AQP12A: variants seen among roughly 807,000 people sequenced by gnomAD.
AQP12A encodes the protein aquaporin 12A.
AQP12A carries 11 observed loss-of-function variants against 12.2 expected under a neutral mutation model. That is an observed-to-expected ratio of 0.90 (90% confidence interval 0.57 to 1.49). AQP12A has a LOEUF of 1.49. AQP12A is among the 40% of genes most tolerant of loss of function. The pLI is 0.00. For missense variants in AQP12A, 203 were observed against 260.8 expected, an observed-to-expected ratio of 0.78 and a Z score of 1.53; for synonymous variants, 101 against 127.1, an observed-to-expected ratio of 0.79 and a Z score of 1.38.
In AQP12A at chr2:240,692,470, G is replaced by A. The variant is rs761886843; in HGVS notation, c.520G>A (p.Ala174Thr). ...CCTGCACCTGCGGCACAGTCCTCCC[G>A]CCTACAGCGGGCCCGCTGTGGCTCT... Reference protein sequence around the residue: ...TLLHLRHSPPAYSGPAVALLV... With the variant: ...TLLHLRHSPPTYSGPAVALLV... Residue 174 changes from alanine (A) to threonine (T), a missense_variant, in exon 2 of 4, where the codon GCC becomes ACC. Transcript: ENST00000337801. 26 of 1,490,138 alleles carry A rather than the reference G, an allele frequency of 1.7e-5. No homozygotes were observed. The highest frequency in any genetic ancestry group is 2.2e-5 in the Non-Finnish European group (24 of 1,110,288). The allele number at this position is 1,490,138 out of a possible 1,614,324, so 92.3% of individuals were successfully genotyped here.
At chr2:240,693,726 G>C (rs1404830152) in intron 2 of AQP12A, among the ~76,000 whole-genome samples, 3 of 152,044 alleles carry the variant, frequency 2.0e-5, no homozygotes, top group African/African-American at 4.8e-5. Flanking sequence ...GCCTTCCCTT[G>C]TCTCACATCG....
rs771431612 is a variant in AQP12A at position 240,692,380 on chromosome 2, C to A, written c.430C>A (p.Arg144Ser). 2.2e-5 allele frequency: 33 copies of A among 1,519,020 alleles called. 2 individuals carry two copies. In the South Asian group the frequency reaches 3.1e-4, roughly 14 times the overall value. 94.1% of individuals were successfully genotyped at this position (1,519,020 alleles called of 1,614,324 possible). A position where few individuals can be genotyped will look rare whatever the true frequency, so the allele number is the denominator to read the frequency against. ...GGCCCAGAGCTGCAGCTCGGCCCTG[C>A]GCACATCCGTGCCCCACGGGGCGCT... ...LMAQSCSSAL[R>S]TSVPHGALVE... The change falls in exon 2 of 4, where the codon CGC becomes AGC. Residue 144 changes from arginine (R) to serine (S), a missense_variant. Physicochemically the swap from Arg to Ser is moderately radical, Grantham distance 110. Transcript: ENST00000337801.
rs765448669 is a variant in AQP12A, at chr2:240,692,315, C to A, written c.365C>A (p.Ala122Asp). ...TGCACCCTGATGCGCCTCTGCTGGG[C>A]CTGGGAGCTCAGTGACCTGCACCTG... ...AACTLMRLCW[A>D]WELSDLHLLQ... Residue 122 changes from alanine (A) to aspartate (D), a missense_variant, in exon 2 of 4, where the codon GCC becomes GAC. Coordinates refer to ENST00000337801, the MANE Select transcript of AQP12A (RefSeq NM_198998.3). The A allele has an allele frequency of 1.3e-5, 21 of 1,576,616 alleles. 1 individual carries two copies. The South Asian group carries it at 2.3e-4, about 17-fold the overall frequency.
intron 2 of AQP12A, 56 bp downstream of exon 2, chr2:240,692,577 TC>T (rs2044079652): frequency 2.2e-6 from 2 of 913,176 alleles, no homozygotes; most frequent in Non-Finnish European, 3.2e-6. Flanking sequence ...CTGTGTGGCC[TC>T]CATGCACACT....
intron 3 of AQP12A, chr2:240,695,710 TCACTCCGGGTGGGTCG>T (rs2044105996): frequency 2.8e-5 from 2 of 71,044 alleles, no homozygotes; most frequent in Admixed American, 3.1e-4. Context: ...TGCGGATCCT[TCACTCCGGGTGGGTCG>T]GCCTCTTCCT....
chr2:240,692,302 C>A lies in AQP12A; in HGVS notation c.352C>A (p.Arg118Ser), dbSNP rs766634316. 6.3e-7 allele frequency: 1 copy of A among 1,577,880 alleles called. No individual in the cohort carries two copies. The highest frequency in any genetic ancestry group is 8.6e-7 in the Non-Finnish European group (1 of 1,167,180). Residue 118 changes from arginine to serine, a missense_variant, in exon 2 of 4, where the codon CGC (arginine) becomes AGC (serine). Transcript: ENST00000337801. ...CATGCAGGCCGCCTGCACCCTGATG[C>A]GCCTCTGCTGGGCCTGGGAGCTCAG... Reference protein sequence around the residue: ...LGMQAACTLMRLCWAWELSDL... With the variant: ...LGMQAACTLMSLCWAWELSDL...
intron 2 of AQP12A, among the ~76,000 whole-genome samples, chr2:240,693,442 G>C (rs2044089582): frequency 6.6e-6 from 1 of 152,210 alleles, no homozygotes; most frequent in Non-Finnish European, 1.5e-5. Context: ...AGATTGCCCG[G>C]GCCTCTGTCC....
rs1347096712 is a variant in AQP12A, at chr2:240,692,372, C to G, written c.422C>G (p.Ser141Trp). 1 of 1,524,516 alleles carries G rather than the reference C, an allele frequency of 6.6e-7. No homozygotes were observed. Among genetic ancestry groups the G allele is most frequent in the Non-Finnish European group, 8.8e-7 (1 of 1,141,542 alleles). 94.4% of individuals were successfully genotyped at this position (1,524,516 alleles called of 1,614,324 possible). A position where few individuals can be genotyped will look rare whatever the true frequency, so the allele number is the denominator to read the frequency against. ...AGCCTCATGGCCCAGAGCTGCAGCT[C>G]GGCCCTGCGCACATCCGTGCCCCAC... ...LQSLMAQSCS[S>W]ALRTSVPHGA... The change falls in exon 2 of 4, where the codon TCG becomes TGG. Residue 141 changes from serine (S) to tryptophan (W), a missense_variant. Physicochemically the swap from Ser to Trp is radical, Grantham distance 177 (BLOSUM62 -3). Transcript: ENST00000337801.
In AQP12A at chr2:240,692,141, T is replaced by C. The variant is rs2044071395; in HGVS notation, c.191T>C (p.Leu64Pro). 1.3e-6 allele frequency: 2 copies of C among 1,583,340 alleles called. No homozygotes were observed. The highest frequency in any genetic ancestry group is 1.4e-5 in the African/African-American group (1 of 70,816). Residue 64 changes from leucine to proline, a missense_variant, in exon 2 of 4, where the codon CTC (leucine) becomes CCC (proline). This residue lies in a region of AQP12A where 191 missense variants were observed against 197.1 expected (regional missense o/e 0.97). Transcript: ENST00000337801. Reference sequence around the variant, plus strand: ...GGGCCTGACCTGCTGCTCACCCTGCTCTTCCTGCTCTTCCTGGCGCACGGG... The same window carrying C: ...GGGCCTGACCTGCTGCTCACCCTGCCCTTCCTGCTCTTCCTGGCGCACGGG... ...DFGPDLLLTLLFLLFLAHGVT... is the reference protein window; with the variant it reads ...DFGPDLLLTLPFLLFLAHGVT...
intron 2 of AQP12A, among the ~76,000 whole-genome samples, chr2:240,693,396 G>T (rs2044089137): frequency 6.6e-6 from 1 of 152,418 alleles, no homozygotes; most frequent in African/African-American, 2.4e-5. Context: ...TGAGGCACGG[G>T]TGAGCGGGAG....
At position 240,692,456 on chromosome 2, in the gene AQP12A, G is replaced by C; in HGVS notation, c.506G>C (p.Arg169Pro). The change falls in exon 2 of 4, where the codon CGG (arginine) becomes CCG (proline). Residue 169 changes from arginine (R) to proline (P), a missense_variant. Arg to Pro is a moderately radical substitution (Grantham distance 103, BLOSUM62 -2). Around this residue, in one of 2 missense-constraint regions of AQP12A, gnomAD observed 12 missense variants for 63.8 expected, o/e 0.19. Transcript: ENST00000337801. ...TTCCATCTGACCCTCCTGCACCTGC[G>C]GCACAGTCCTCCCGCCTACAGCGGG... ...FCFHLTLLHL[R>P]HSPPAYSGPA... 2.6e-6 allele frequency: 4 copies of C among 1,512,258 alleles called. No individual in the cohort carries two copies. The highest frequency in any genetic ancestry group is 2.4e-5 in the East Asian group (1 of 41,750). 93.7% of individuals were successfully genotyped at this position (1,512,258 alleles called of 1,614,324 possible).
intron 2 of AQP12A, among the ~76,000 whole-genome samples, chr2:240,693,020 C>T (rs1310629954): frequency 6.6e-6 from 1 of 152,272 alleles, no homozygotes; most frequent in Non-Finnish European, 1.5e-5. Flanking sequence ...GGTCCCATCA[C>T]CCCCTTGTGA....
chr2:240,692,471 C>T lies in AQP12A; in HGVS notation c.521C>T (p.Ala174Val). Residue 174 changes from alanine to valine, a missense_variant, in exon 2 of 4, where the codon GCC (alanine) becomes GTC (valine). Ala to Val is a moderately conservative substitution (Grantham distance 64). Coordinates refer to ENST00000337801, the MANE Select transcript of AQP12A (RefSeq NM_198998.3). ...CTGCACCTGCGGCACAGTCCTCCCGCCTACAGCGGGCCCGCTGTGGCTCTG... is the reference window on the plus strand; with the variant it reads ...CTGCACCTGCGGCACAGTCCTCCCGTCTACAGCGGGCCCGCTGTGGCTCTG... ...TLLHLRHSPP[A>V]YSGPAVALLV... The T allele has an allele frequency of 1.3e-6, 2 of 1,492,396 alleles. No individual in the cohort carries two copies. Among genetic ancestry groups the T allele is most frequent in the Non-Finnish European group, 1.8e-6 (2 of 1,111,592 alleles). 92.4% of individuals were successfully genotyped at this position (1,492,396 alleles called of 1,614,324 possible).
intron 2 of AQP12A, 136 bp downstream of exon 2, chr2:240,692,657 G>A (rs1481168473): frequency 1.7e-6 from 1 of 596,494 alleles, no homozygotes; most frequent in Non-Finnish European, 2.9e-6. Context: ...AGAAGAGGCG[G>A]TGATTTCCTG....
chr2:240,692,880 C>T (rs2044083413), intron 2 of AQP12A, among the ~76,000 whole-genome samples: 1 of 150,594 alleles, frequency 6.6e-6, no homozygotes, highest in East Asian at 2.0e-4. Flanking sequence ...GTCCCTGCAC[C>T]CTCTATCACC....
rs1429080879 is a variant in AQP12A, at chr2:240,692,200, G to C, written c.250G>C (p.Val84Leu). ...GGACGGGGCCTCGGCCAACCCCACT[G>C]TGTCCCTGCAGGAGTTCCTCATGGC... is the stretch of plus-strand genomic sequence containing the variant. ...TLDGASANPT[V>L]SLQEFLMAEQ... is the part of the protein sequence containing the mutation. The change falls in exon 2 of 4, where the codon GTG becomes CTG. Residue 84 changes from valine to leucine, a missense_variant. Around this residue, in one of 2 missense-constraint regions of AQP12A, gnomAD observed 191 missense variants for 197.1 expected, o/e 0.97. Transcript: ENST00000337801. The C allele has an allele frequency of 6.3e-7, 1 of 1,581,186 alleles. No homozygotes were observed. The highest frequency in any genetic ancestry group is 8.6e-7 in the Non-Finnish European group (1 of 1,167,820).
rs148248008 is a variant in AQP12A, at chr2:240,692,246, C to A, written c.296C>A (p.Thr99Lys). 9.5e-4 allele frequency: 1,503 copies of A among 1,578,682 alleles called. 275 individuals are homozygous for A. In the African/African-American group the frequency reaches 0.019, roughly 20 times the overall value. Residue 99 changes from threonine (T) to lysine (K), a missense_variant, in exon 2 of 4, where the codon ACG becomes AAG. This residue lies in a region of AQP12A where 191 missense variants were observed against 197.1 expected (regional missense o/e 0.97). Coordinates refer to ENST00000337801, the MANE Select transcript of AQP12A (RefSeq NM_198998.3). ...FLMAEQSLPG[T>K]LLKLAAQGLG... ...ATGGCCGAGCAGTCTCTGCCTGGCA[C>A]GCTGTTGAAGCTGGCGGCACAGGGG... is the stretch of plus-strand genomic sequence containing the variant.
At chr2:240,693,385 C>T (rs1426040117) in intron 2 of AQP12A, among the ~76,000 whole-genome samples, 3 of 152,302 alleles carry the variant, frequency 2.0e-5, no homozygotes, top group African/African-American at 7.2e-5. Flanking sequence ...GATGGGGAAA[C>T]TGAGGCACGG....
intron 2 of AQP12A, among the ~76,000 whole-genome samples, chr2:240,693,285 C>T (rs1224144220): frequency 1.3e-5 from 2 of 152,248 alleles, no homozygotes; most frequent in African/African-American, 2.4e-5. Flanking sequence ...GCACTTAGGT[C>T]CATGGCACTG....
Sources: gnomAD v4.1 joint callset for allele counts (sites outside exome capture counted in the v4.1 genomes callset) on GRCh38, gnomAD v4.1.1 for gene constraint, gnomAD v4.1.1 regional missense constraint, MANE v1.5 for transcripts, NCBI Gene and HGNC (gene_info 2026-07-23, HGNC 2026-07-21) for gene names.